The following CCDC73 variants were observed in gnomAD, a reference collection of about 807,000 sequenced individuals.
The protein encoded by CCDC73 is coiled-coil domain containing 73.
CCDC73 carries 95 observed loss-of-function variants against 116.5 expected under a neutral mutation model. The ratio of observed to expected loss-of-function variants is 0.82; its 90% CI spans 0.69 to 0.97. The LOEUF is 0.97. CCDC73 is among the 50% of genes least tolerant of loss of function. The pLI, the probability that CCDC73 is intolerant of heterozygous loss-of-function variation, is 0.00. For missense variants in CCDC73, 1,066 were observed against 1,206.8 expected (o/e 0.88, Z 1.73); for synonymous variants, 398 against 401.3 (o/e 0.99, Z 0.10).
intron 10 of CCDC73, among the ~76,000 whole-genome samples, chr11:32,654,428 C>T (rs1270403865): frequency 6.6e-6 from 1 of 152,174 alleles, no homozygotes; most frequent in Admixed American, 6.5e-5. Context: ...CCCACCTCAG[C>T]CTCCTAAAGT....
In CCDC73 at chr11:32,754,585, A is replaced by G. The variant is rs753643106; in HGVS notation, c.135+5524T>C. On this transcript the variant is annotated intron_variant, in intron 2 of 17. Transcript: ENST00000335185. ...ACACATAGACACATTAAAAATAAAGATCATCAATGACAAACAGATCTTAAG... is the reference window on the plus strand; with the variant it reads ...ACACATAGACACATTAAAAATAAAGGTCATCAATGACAAACAGATCTTAAG... Among the ~76,000 whole-genome samples, 7 of 152,296 alleles carry G rather than the reference A, an allele frequency of 4.6e-5. No individual in the cohort carries two copies. In the South Asian group the frequency reaches 8.3e-4, roughly 18 times the overall value.
rs140784841 is a variant in CCDC73, at chr11:32,775,234, A to G, written c.-15-14976T>C. On this transcript the variant is annotated intron_variant, in intron 1 of 17. Coordinates refer to ENST00000335185, the MANE Select transcript of CCDC73 (RefSeq NM_001008391.4). ...AATATTTGGCACACAATAGACACTG[A>G]ATAAATCTTTCAGTTCAAAAATATA... Among the ~76,000 whole-genome samples, 47 of 152,286 alleles carry G rather than the reference A, an allele frequency of 3.1e-4. No homozygotes were observed. The East Asian group carries it at 8.3e-3, about 27-fold the overall frequency.
chr11:32,734,695 A>G (rs772931387), intron 2 of CCDC73, among the ~76,000 whole-genome samples: 2 of 152,114 alleles, frequency 1.3e-5, no homozygotes, highest in Non-Finnish European at 2.9e-5. Context: ...CTGATACCAA[A>G]GCCTGGCAGA....
At chr11:32,734,297 A>G (rs1054570782) in intron 2 of CCDC73, among the ~76,000 whole-genome samples, 18 of 152,310 alleles carry the variant, frequency 1.2e-4, no homozygotes, top group Non-Finnish European at 2.1e-4. Flanking sequence ...CCAACCAAAA[A>G]AAGTCCAGGA....
chr11:32,817,410 C>G, the CCDC73 span, among the ~76,000 whole-genome samples: 31 of 152,178 alleles, frequency 2.0e-4, 2 homozygotes, highest in Non-Finnish European at 7.3e-5. Context: ...CAATGTATCA[C>G]CAGTAGACTA....
In CCDC73 at chr11:32,657,592, C is replaced by G. The variant is rs116928658; in HGVS notation, c.646-2620G>C. ...CTGATATCTGTGGGTATAGCAAACT[C>G]TCTGCCTTCTGGCTCCTGATTGGGT... On this transcript the variant is annotated intron_variant, in intron 9 of 17. Transcript: ENST00000335185. 8.6e-3 allele frequency among the ~76,000 whole-genome samples: 1,316 copies of G among 152,204 alleles called. 6 individuals carry two copies. Among genetic ancestry groups the G allele is most frequent in the Non-Finnish European group, 0.014 (930 of 68,018 alleles).
At chr11:32,798,043 G>T (rs1426556883), upstream of CCDC73, among the ~76,000 whole-genome samples, 3 of 152,134 alleles carry the variant, frequency 2.0e-5, no homozygotes, top group African/African-American at 7.2e-5. Flanking sequence ...TCACCATCAG[G>T]CTATATGCAT....
At chr11:32,780,569 T>A (rs1850574740) in intron 1 of CCDC73, among the ~76,000 whole-genome samples, 1 of 152,140 alleles carries the variant, frequency 6.6e-6, no homozygotes, top group Non-Finnish European at 1.5e-5. Flanking sequence ...ACAAAATATT[T>A]ACTAATAAAA....
At chr11:32,663,603 T>C (rs1855951268) in intron 9 of CCDC73, among the ~76,000 whole-genome samples, 1 of 152,218 alleles carries the variant, frequency 6.6e-6, no homozygotes, top group Non-Finnish European at 1.5e-5. Flanking sequence ...GTTTTCTAAA[T>C]ATACAGTCAT....
intron 9 of CCDC73, among the ~76,000 whole-genome samples, chr11:32,662,531 TG>T (rs759281775): frequency 7.9e-5 from 12 of 151,816 alleles, no homozygotes; most frequent in Non-Finnish European, 1.6e-4. Context: ...GTGATGGGGT[TG>T]TTTTTTTTTT....
intron 13 of CCDC73, among the ~76,000 whole-genome samples, chr11:32,641,303 A>G (rs1299655462): frequency 6.6e-5 from 10 of 152,274 alleles, no homozygotes; most frequent in Non-Finnish European, 4.4e-5. Context: ...TGATATTAGC[A>G]TAGAATAATC....
At chr11:32,764,572 T>C (rs1850423135) in intron 1 of CCDC73, among the ~76,000 whole-genome samples, 1 of 152,170 alleles carries the variant, frequency 6.6e-6, no homozygotes, top group Non-Finnish European at 1.5e-5. Context: ...CTGAGAGATT[T>C]TGTCACCACC....
At chr11:32,825,254 G>A in the CCDC73 span, among the ~76,000 whole-genome samples, 7 of 145,902 alleles carry the variant, frequency 4.8e-5, no homozygotes, top group African/African-American at 1.5e-4. Flanking sequence ...TTTCAGTACC[G>A]ACAACATTAA....
At chr11:32,766,794 C>T (rs1339294152) in intron 1 of CCDC73, among the ~76,000 whole-genome samples, 1 of 152,142 alleles carries the variant, frequency 6.6e-6, no homozygotes, top group Non-Finnish European at 1.5e-5. Context: ...AGGAGAACTA[C>T]AAACCACTGC....
At chr11:32,723,815 T>C (rs1386488038) in intron 2 of CCDC73, among the ~76,000 whole-genome samples, 2 of 152,162 alleles carry the variant, frequency 1.3e-5, no homozygotes, top group Non-Finnish European at 2.9e-5. Context: ...AGGTACTTTA[T>C]TGAAGTTAGA....
intron 6 of CCDC73, among the ~76,000 whole-genome samples, chr11:32,686,413 C>T (rs1311950888): frequency 6.6e-6 from 1 of 150,878 alleles, no homozygotes; most frequent in African/African-American, 2.4e-5. Flanking sequence ...AGGAGATGTA[C>T]ATTTAGAAGT....
Position 32,775,128 on chromosome 11 carries a change from T to C in CCDC73, c.-15-14870A>G, listed in dbSNP as rs931036284. Among the ~76,000 whole-genome samples the C allele has an allele frequency of 9.8e-5, 15 of 152,320 alleles. No individual in the cohort carries two copies. In the South Asian group the frequency reaches 1.0e-3, roughly 11 times the overall value. Reference sequence around the variant, plus strand: ...ACTGTCTACCAGATGGTGCATCAAATGTAGATGATTTCTTTGCCACTCAGC... The same window carrying C: ...ACTGTCTACCAGATGGTGCATCAAACGTAGATGATTTCTTTGCCACTCAGC... On this transcript the variant is annotated intron_variant, in intron 1 of 17. Coordinates refer to ENST00000335185, the MANE Select transcript of CCDC73 (RefSeq NM_001008391.4).
chr11:32,755,905 A>C (rs1302577327), intron 2 of CCDC73, among the ~76,000 whole-genome samples: 5 of 88,214 alleles, frequency 5.7e-5, no homozygotes, highest in East Asian at 3.8e-4. Flanking sequence ...ATATATATCT[A>C]TATATATCTC....
At chr11:32,658,010 A>T (rs1245971813) in intron 9 of CCDC73, among the ~76,000 whole-genome samples, 1 of 104,334 alleles carries the variant, frequency 9.6e-6, no homozygotes. Flanking sequence ...CCCACCCCCT[A>T]CCCTAGTCTC....
Sources: gnomAD v4.1 joint callset for allele counts (sites outside exome capture counted in the v4.1 genomes callset) on GRCh38, gnomAD v4.1.1 for gene constraint, MANE v1.5 for transcripts, NCBI Gene and HGNC (gene_info 2026-07-23, HGNC 2026-07-21) for gene names.